CNOT7: variants seen among roughly 807,000 people sequenced by gnomAD.
CNOT7 encodes CCR4-NOT transcription complex subunit 7, also known as BTG1-binding factor 1.
CNOT7 carries 4 observed loss-of-function variants against 37.1 expected under a neutral mutation model. The observed-to-expected ratio is 0.11, with a 90% confidence interval of 0.05 to 0.25. CNOT7 has a LOEUF of 0.25. Ranked by LOEUF, CNOT7 falls within the 10% of genes least tolerant of loss-of-function variation. The pLI is 1.00. For missense variants in CNOT7, 170 were observed against 336.2 expected, an observed-to-expected ratio of 0.51 and a Z score of 3.87; for synonymous variants, 128 against 115.6, an observed-to-expected ratio of 1.11 and a Z score of -0.69.
chr8:17,225,366 A>C lies in CNOT7; in HGVS notation c.*5354T>G, dbSNP rs1187907246. 3 of 151,728 alleles carry C rather than the reference A, an allele frequency of 2.0e-5. No homozygotes were observed. The highest frequency in any genetic ancestry group is 3.0e-5 in the Non-Finnish European group (2 of 67,722). The allele number at this position is 151,728 out of a possible 1,614,324, so 9.4% of individuals were successfully genotyped here. A position where few individuals can be genotyped will look rare whatever the true frequency, so the allele number is the denominator to read the frequency against. On this transcript the variant is annotated 3_prime_UTR_variant, in exon 7 of 7. Coordinates refer to ENST00000361272, the MANE Select transcript of CNOT7 (RefSeq NM_013354.7). ...TCATGAATGCTTCTCATATACAAAA[A>C]ATTCCTCCATACCAGGAAGGAGAGT...
In CNOT7 at chr8:17,229,839, T is replaced by TA. The variant is rs35998159; in HGVS notation, c.*880dup. On this transcript the variant is annotated 3_prime_UTR_variant, in exon 7 of 7. Coordinates refer to ENST00000361272, the MANE Select transcript of CNOT7 (RefSeq NM_013354.7). ...GCATCATAAGAATGGCTACAAAATT[T>TA]AAAAAAAAAAAAAGGGTAAATGGTG... The TA allele has an allele frequency of 0.1, 14,838 of 144,532 alleles. 814 individuals are homozygous for TA. The highest frequency in any genetic ancestry group is 0.18 in the South Asian group (856 of 4,654). The allele number at this position is 144,532 out of a possible 1,614,324, so 9.0% of individuals were successfully genotyped here. A position where few individuals can be genotyped will look rare whatever the true frequency, so the allele number is the denominator to read the frequency against.
At chr8:17,239,385 T>C (rs754836660) in intron 3 of CNOT7, among the ~76,000 whole-genome samples, 2 of 152,104 alleles carry the variant, frequency 1.3e-5, no homozygotes, top group Non-Finnish European at 2.9e-5. Context: ...CTCTATCTCC[T>C]TCTTTACACT....
At chr8:17,241,910 A>G (rs949203446) in intron 3 of CNOT7, 3 of 152,370 alleles carry the variant, frequency 2.0e-5, no homozygotes, top group Admixed American at 2.0e-4. Flanking sequence ...AACAATTAAT[A>G]AAAACAAGAT....
Position 17,234,922 on chromosome 8 carries a change from A to AG in CNOT7, c.474-63_474-62insC, listed in dbSNP as rs1425776424. The AG allele has an allele frequency of 6.3e-5, 94 of 1,489,292 alleles. No individual in the cohort carries two copies. In the East Asian group the frequency reaches 1.6e-3, roughly 25 times the overall value. 92.3% of individuals were successfully genotyped at this position (1,489,292 alleles called of 1,614,324 possible). ...ATAAATACTATAAAGATTAAAAAAA[A>AG]AAGTTTTTCTGATTCAAATTTAAGC... On this transcript the variant is annotated intron_variant, in intron 4 of 6. Transcript: ENST00000361272.
chr8:17,246,751 G>GGCGGTA lies in CNOT7; in HGVS notation c.-178_-173dup, dbSNP rs1427760618. The GGCGGTA allele has an allele frequency of 1.1e-5, 2 of 187,292 alleles. No individual in the cohort carries two copies. Among genetic ancestry groups the GGCGGTA allele is most frequent in the African/African-American group, 2.4e-5 (1 of 41,674 alleles). 11.6% of individuals were successfully genotyped at this position (187,292 alleles called of 1,614,324 possible). ...ACTCGGCGGCGGTGGCGGTGGCGGT[G>GGCGGTA]GCGGTAGCGGCGGCGGCAGCGGGTG... On this transcript the variant is annotated 5_prime_UTR_variant, in exon 1 of 7. Coordinates refer to ENST00000361272, the MANE Select transcript of CNOT7 (RefSeq NM_013354.7).
rs1308330911 is a variant in CNOT7, at chr8:17,228,029, T to C, written c.*2691A>G. On this transcript the variant is annotated 3_prime_UTR_variant, in exon 7 of 7. Coordinates refer to ENST00000361272, the MANE Select transcript of CNOT7 (RefSeq NM_013354.7). Reference sequence around the variant, plus strand: ...TCCCATTATAGCAAAAAAGTATCCATAGATAATATGTAAATTAGTGTGGCT... The same window carrying C: ...TCCCATTATAGCAAAAAAGTATCCACAGATAATATGTAAATTAGTGTGGCT... 2.0e-5 allele frequency: 3 copies of C among 151,958 alleles called. No individual in the cohort carries two copies. Among genetic ancestry groups the C allele is most frequent in the East Asian group, 3.8e-4 (2 of 5,198 alleles). 9.4% of individuals were successfully genotyped at this position (151,958 alleles called of 1,614,324 possible).
intron 3 of CNOT7, chr8:17,242,401 A>C (rs1810304963): frequency 2.0e-5 from 3 of 152,220 alleles, no homozygotes; most frequent in Admixed American, 6.5e-5. Flanking sequence ...TAACTAAGGA[A>C]ACTGGGTGAA....
intron 4 of CNOT7, among the ~76,000 whole-genome samples, chr8:17,236,293 G>A (rs902760300): frequency 2.6e-5 from 4 of 152,288 alleles, no homozygotes; most frequent in South Asian, 2.1e-4. Flanking sequence ...GACCAAGTAT[G>A]AGAGTATTAA....
intron 3 of CNOT7, among the ~76,000 whole-genome samples, chr8:17,240,904 G>A (rs1263321565): frequency 6.6e-6 from 1 of 152,172 alleles, no homozygotes; most frequent in Non-Finnish European, 1.5e-5. Flanking sequence ...TCAAAGAACT[G>A]TCTTGGGCCA....
At chr8:17,241,984 G>T (rs1762477777) in intron 3 of CNOT7, 1 of 152,174 alleles carries the variant, frequency 6.6e-6, no homozygotes, top group Admixed American at 6.5e-5. Flanking sequence ...GGCAGCTCAG[G>T]GCACAATGTG....
chr8:17,229,032 A>G lies in CNOT7; in HGVS notation c.*1688T>C, dbSNP rs1437003783. On this transcript the variant is annotated 3_prime_UTR_variant, in exon 7 of 7. Coordinates refer to ENST00000361272, the MANE Select transcript of CNOT7 (RefSeq NM_013354.7). ...AACAGAAGTCAGTCCTTAATTAGCTAGTTGAGGTACTCATAAAGAACAAGA... is the reference window on the plus strand; with the variant it reads ...AACAGAAGTCAGTCCTTAATTAGCTGGTTGAGGTACTCATAAAGAACAAGA... The G allele has an allele frequency of 6.6e-6, 1 of 151,964 alleles. No individual in the cohort carries two copies. The highest frequency in any genetic ancestry group is 2.4e-5 in the African/African-American group (1 of 41,430). 9.4% of individuals were successfully genotyped at this position (151,964 alleles called of 1,614,324 possible).
At chr8:17,233,210 G>A (rs928688849) in intron 5 of CNOT7, among the ~76,000 whole-genome samples, 8 of 152,040 alleles carry the variant, frequency 5.3e-5, no homozygotes, top group African/African-American at 1.9e-4. Context: ...TAAAGGGAGG[G>A]GAGAATAAGT....
intron 3 of CNOT7, among the ~76,000 whole-genome samples, chr8:17,240,598 T>G (rs1012307038): frequency 6.6e-6 from 1 of 152,210 alleles, no homozygotes; most frequent in Non-Finnish European, 1.5e-5. Flanking sequence ...AAAAGGAAAC[T>G]GTCAATTTTA....
chr8:17,237,176 GA>G (rs774689799), intron 4 of CNOT7, 35 bp downstream of exon 4: 1 of 1,605,440 alleles, frequency 6.2e-7, no homozygotes, highest in Non-Finnish European at 8.5e-7. Context: ...GTATGAGATG[GA>G]AAAACAAATG....
intron 3 of CNOT7, among the ~76,000 whole-genome samples, chr8:17,239,257 C>A (rs904608746): frequency 4.6e-5 from 7 of 151,950 alleles, no homozygotes; most frequent in Non-Finnish European, 8.8e-5. Flanking sequence ...GCCATGTTGC[C>A]CGAACTGGTC....
chr8:17,226,827 G>C lies in CNOT7; in HGVS notation c.*3893C>G, dbSNP rs1053527230. ...TTCATTAAGAAACATTTTCAAGTCT[G>C]TGGCAAAAGTTAATTTCCAAAGTTA... On this transcript the variant is annotated 3_prime_UTR_variant, in exon 7 of 7. Transcript: ENST00000361272. 9 of 151,806 alleles carry C rather than the reference G, an allele frequency of 5.9e-5. No homozygotes were observed. Among genetic ancestry groups the C allele is most frequent in the Non-Finnish European group, 1.2e-4 (8 of 67,700 alleles). The allele number at this position is 151,806 out of a possible 1,614,324, so 9.4% of individuals were successfully genotyped here. A position where few individuals can be genotyped will look rare whatever the true frequency, so the allele number is the denominator to read the frequency against.
rs1808173745 is a variant in CNOT7 at position 17,226,566 on chromosome 8, G to C, written c.*4154C>G. On this transcript the variant is annotated 3_prime_UTR_variant, in exon 7 of 7. Coordinates refer to ENST00000361272, the MANE Select transcript of CNOT7 (RefSeq NM_013354.7). ...AGAAGATTAAGAGGAAACTTTAAAA[G>C]CATTTAATTGCAGTTAAATGCTTTT... The C allele has an allele frequency of 6.6e-6, 1 of 151,562 alleles. No homozygotes were observed. Among genetic ancestry groups the C allele is most frequent in the African/African-American group, 2.4e-5 (1 of 41,348 alleles). The allele number at this position is 151,562 out of a possible 1,614,324, so 9.4% of individuals were successfully genotyped here. A position where few individuals can be genotyped will look rare whatever the true frequency, so the allele number is the denominator to read the frequency against.
intron 3 of CNOT7, among the ~76,000 whole-genome samples, chr8:17,239,434 T>G (rs977395065): frequency 1.3e-5 from 2 of 152,194 alleles, no homozygotes; most frequent in African/African-American, 4.8e-5. Flanking sequence ...TCCTTTCTGT[T>G]ACCACCAAAC....
Position 17,237,320 on chromosome 8 carries a change from T to C in CNOT7, c.365A>G (p.Gln122Arg). The C allele has an allele frequency of 6.2e-7, 1 of 1,614,132 alleles. No individual in the cohort carries two copies. The highest frequency in any genetic ancestry group is 8.5e-7 in the Non-Finnish European group (1 of 1,179,978). The change falls in exon 4 of 7, where the codon CAG becomes CGG. Residue 122 changes from glutamine (Q) to arginine (R), a missense_variant. Transcript: ENST00000361272. ...TCCTTCCTCCTCATGTTTTTTAAAC[T>C]GGATACCAGATGTTGTTAGTAGCTC... ...SIELLTTSGI[Q>R]FKKHEEEGIE...
Sources: gnomAD v4.1 joint callset for allele counts (sites outside exome capture counted in the v4.1 genomes callset) on GRCh38, gnomAD v4.1.1 for gene constraint, MANE v1.5 for transcripts, NCBI Gene and HGNC (gene_info 2026-07-23, HGNC 2026-07-21) for gene names.